The following GATAD2A variants were observed in gnomAD, a reference collection of about 807,000 sequenced individuals.
The protein encoded by GATAD2A is transcriptional repressor p66-alpha.
Under a neutral mutation model 68.5 loss-of-function variants are expected in GATAD2A, and 12 were observed. The observed-to-expected ratio is 0.18, with a 90% CI of 0.11 to 0.28. GATAD2A has a LOEUF of 0.28. Among genes scored for constraint, GATAD2A ranks in the 10% least tolerant of loss-of-function variants. The pLI, the probability that GATAD2A is intolerant of heterozygous loss-of-function variation, is 1.00. For missense variants in GATAD2A, 755 were observed against 868.5 expected, an observed-to-expected ratio of 0.87 and a Z score of 1.64; for synonymous variants, 410 against 375.3, an observed-to-expected ratio of 1.09 and a Z score of -1.07.
intron 2 of GATAD2A, among the ~76,000 whole-genome samples, chr19:19,489,399 G>A (rs1480678500): frequency 1.3e-5 from 2 of 152,244 alleles, no homozygotes; most frequent in Non-Finnish European, 2.9e-5. Flanking sequence ...ACGTTGGAAG[G>A]CACAGTTAAA....
intron 1 of GATAD2A, among the ~76,000 whole-genome samples, chr19:19,437,766 T>G (rs911502621): frequency 6.6e-6 from 1 of 152,264 alleles, no homozygotes; most frequent in Non-Finnish European, 1.5e-5. Context: ...TTCCTTTTTA[T>G]GGCTGAATGA....
chr19:19,445,596 C>T (rs796741039), intron 1 of GATAD2A, among the ~76,000 whole-genome samples: 10 of 152,350 alleles, frequency 6.6e-5, no homozygotes, highest in African/African-American at 2.4e-4. Flanking sequence ...GCTCTCCACC[C>T]TCCCAGCAGC....
chr19:19,475,650 T>C (rs1397441721), intron 2 of GATAD2A, among the ~76,000 whole-genome samples: 1 of 152,192 alleles, frequency 6.6e-6, no homozygotes, highest in East Asian at 1.9e-4. Context: ...CCTGCGGGCA[T>C]TTCTTAGCTC....
At chr19:19,491,841 G>GT (rs1387886226) in intron 2 of GATAD2A, among the ~76,000 whole-genome samples, 1 of 152,214 alleles carries the variant, frequency 6.6e-6, no homozygotes, top group Non-Finnish European at 1.5e-5. Context: ...CCTTCAAGGG[G>GT]TTTCCACCAT....
chr19:19,488,899 G>A (rs1456013371), intron 2 of GATAD2A, among the ~76,000 whole-genome samples: 1 of 152,158 alleles, frequency 6.6e-6, no homozygotes, highest in Non-Finnish European at 1.5e-5. Context: ...TGCCCGGGAC[G>A]GCTGCTGTGG....
intron 1 of GATAD2A, among the ~76,000 whole-genome samples, chr19:19,406,678 A>G (rs936739093): frequency 1.3e-5 from 2 of 152,094 alleles, no homozygotes; most frequent in Admixed American, 1.3e-4. Context: ...TTTCCCACCT[A>G]GAGTGGGTCG....
At chr19:19,401,283 G>T (rs1280787224), upstream of GATAD2A, among the ~76,000 whole-genome samples, 1 of 123,488 alleles carries the variant, frequency 8.1e-6, no homozygotes, top group African/African-American at 3.1e-5. Context: ...GCATGTTCTT[G>T]GCTCACTGCA....
chr19:19,463,553 A>T (rs1210713589), intron 1 of GATAD2A, among the ~76,000 whole-genome samples: 1 of 152,156 alleles, frequency 6.6e-6, no homozygotes, highest in Non-Finnish European at 1.5e-5. Flanking sequence ...CGGAGGCCGC[A>T]CAGTTGGTGT....
intron 2 of GATAD2A, chr19:19,474,259 C>G: frequency 1.6e-6 from 1 of 637,376 alleles, no homozygotes; most frequent in Non-Finnish European, 2.0e-6. Context: ...CCGACAACCA[C>G]GTGAGCATGG....
chr19:19,483,986 G>A (rs974044805), intron 2 of GATAD2A, among the ~76,000 whole-genome samples: 13 of 151,914 alleles, frequency 8.6e-5, no homozygotes, highest in Admixed American at 7.2e-4. Flanking sequence ...CTTTCTATCA[G>A]CTGAGTGTCT....
rs118125823 is a variant in GATAD2A at position 19,448,318 on chromosome 19, A to G, written c.-6-17022A>G. On this transcript the variant is annotated intron_variant, in intron 1 of 11. Transcript: ENST00000683918. Reference sequence around the variant, plus strand: ...CGTCTGTTTCTCTCTCTGGGGCCGCAGGGTTGGGCTTGGGCACAGGCCCTG... The same window carrying G: ...CGTCTGTTTCTCTCTCTGGGGCCGCGGGGTTGGGCTTGGGCACAGGCCCTG... 5.3e-3 allele frequency among the ~76,000 whole-genome samples: 805 copies of G among 152,346 alleles called. 6 individuals carry two copies. The highest frequency in any genetic ancestry group is 0.041 in the South Asian group (198 of 4,832).
rs565931514 is a variant in GATAD2A, at chr19:19,397,065, G to T, written c.-7+10927G>T. Among the ~76,000 whole-genome samples the T allele has an allele frequency of 3.2e-4, 48 of 152,306 alleles. 1 individual carries two copies. The highest frequency in any genetic ancestry group is 3.1e-3 in the Admixed American group (48 of 15,294). On this transcript the variant is annotated intron_variant, in intron 1 of 11. Coordinates refer to the GATAD2A transcript ENST00000360315. ...GAGGCATAGCATGGGCACAGGCAGA[G>T]ACCTGGAGTTGAAAACAGCCAAGTG...
intron 1 of GATAD2A, among the ~76,000 whole-genome samples, chr19:19,440,977 TTTCCTTCCTTTCCTTCCC>T (rs796131930): frequency 0.053 from 5,646 of 106,640 alleles, 87 homozygotes; most frequent in South Asian, 0.087. Context: ...CTTTCCTTCC[TTTCCTTCCTTTCCTTCCC>T]TTCCTTCCCT....
At chr19:19,414,828 C>A (rs1209254631) in intron 1 of GATAD2A, among the ~76,000 whole-genome samples, 2 of 147,818 alleles carry the variant, frequency 1.4e-5, no homozygotes, top group African/African-American at 5.1e-5. Context: ...AGCCACCACA[C>A]CCTGCCCCCT....
chr19:19,442,727 G>A (rs536680946), intron 1 of GATAD2A, among the ~76,000 whole-genome samples: 1 of 150,306 alleles, frequency 6.7e-6, no homozygotes, highest in East Asian at 2.0e-4. Flanking sequence ...CTGAGCTCAG[G>A]AGTTGGAGTC....
chr19:19,467,517 A>G (rs1008082953), intron 2 of GATAD2A, among the ~76,000 whole-genome samples: 1 of 152,142 alleles, frequency 6.6e-6, no homozygotes, highest in African/African-American at 2.4e-5. Flanking sequence ...ATTATATACT[A>G]TGTACCTTTT....
At chr19:19,481,934 A>G (rs2059091316) in intron 2 of GATAD2A, among the ~76,000 whole-genome samples, 1 of 151,832 alleles carries the variant, frequency 6.6e-6, no homozygotes, top group Non-Finnish European at 1.5e-5. Context: ...TAGTTCCCAT[A>G]TCTACCAATA....
intron 11 of GATAD2A, among the ~76,000 whole-genome samples, chr19:19,503,263 C>T (rs1337000178): frequency 2.0e-5 from 3 of 152,216 alleles, no homozygotes; most frequent in Non-Finnish European, 4.4e-5. Context: ...CAAAGTGTCC[C>T]ACATGCACCC....
In GATAD2A at chr19:19,462,597, C is replaced by T. The variant is rs905910165; in HGVS notation, c.-6-2743C>T. On this transcript the variant is annotated intron_variant, in intron 1 of 11. Coordinates refer to ENST00000683918, the MANE Select transcript of GATAD2A (RefSeq NM_001384528.1). ...TGAGCTGCTGTGCACCTTGAGTACA[C>T]GCCAGCCAGCCCTCTGCTGAGGACC... Among the ~76,000 whole-genome samples, 19 of 152,344 alleles carry T rather than the reference C, an allele frequency of 1.2e-4. No homozygotes were observed. In the South Asian group the frequency reaches 2.3e-3, roughly 18 times the overall value.
Sources: gnomAD v4.1 joint callset for allele counts (sites outside exome capture counted in the v4.1 genomes callset) on GRCh38, gnomAD v4.1.1 for gene constraint, MANE v1.5 for transcripts, NCBI Gene and HGNC (gene_info 2026-07-23, HGNC 2026-07-21) for gene names.